Variants in GIPC2 observed in about 807,000 individuals in gnomAD.
The protein encoded by GIPC2 is PDZ domain-containing protein GIPC2.
A neutral mutation model predicts 30.6 loss-of-function variants in GIPC2; 30 were observed. The ratio of observed to expected loss-of-function variants is 0.98; its 90% CI spans 0.73 to 1.33. The LOEUF is 1.33. GIPC2 is among the 40% of genes most tolerant of loss of function. The pLI is 0.00. For missense variants in GIPC2, 414 were observed against 390.3 expected (o/e 1.06, Z -0.51); for synonymous variants, 167 against 150.0 (o/e 1.11, Z -0.83).
At chr1:78,052,457 C>A (rs992430124) in intron 1 of GIPC2, among the ~76,000 whole-genome samples, 3 of 152,102 alleles carry the variant, frequency 2.0e-5, no homozygotes, top group African/African-American at 7.2e-5. Context: ...CTCACCAATT[C>A]AGTAGTTAAA....
chr1:78,123,785 G>A (rs182245082), intron 4 of GIPC2, among the ~76,000 whole-genome samples: 1 of 152,308 alleles, frequency 6.6e-6, no homozygotes, highest in East Asian at 1.9e-4. Context: ...ACTGACACTT[G>A]TCACCGTAAC....
chr1:78,069,086 G>A (rs1661571506), intron 1 of GIPC2: 1 of 985,234 alleles, frequency 1.0e-6, no homozygotes, highest in South Asian at 4.7e-5. Context: ...CTTGGTGAGA[G>A]TAGGGAACAG....
At chr1:78,081,949 G>A (rs1295908319) in intron 2 of GIPC2, among the ~76,000 whole-genome samples, 1 of 152,080 alleles carries the variant, frequency 6.6e-6, no homozygotes, top group Non-Finnish European at 1.5e-5. Flanking sequence ...AGGATAAATT[G>A]CATTTCTGCC....
chr1:78,126,624 C>G (rs1662787761), intron 5 of GIPC2, among the ~76,000 whole-genome samples: 1 of 151,992 alleles, frequency 6.6e-6, no homozygotes, highest in Admixed American at 6.6e-5. Flanking sequence ...TCAAGAATGG[C>G]TGGATCCCAA....
chr1:78,054,507 C>T (rs775147261), intron 1 of GIPC2, among the ~76,000 whole-genome samples: 2 of 152,304 alleles, frequency 1.3e-5, no homozygotes, highest in South Asian at 4.1e-4. Flanking sequence ...ATCCCTGACA[C>T]ATATTTTACA....
At chr1:78,050,044 A>G (rs10747356) in intron 1 of GIPC2, among the ~76,000 whole-genome samples, 151,282 of 152,104 alleles carry the variant, frequency 0.99, 75,235 homozygotes, top group Middle Eastern at 1. Flanking sequence ...TTACAGGCAC[A>G]CGCCATCATG....
intron 1 of GIPC2, among the ~76,000 whole-genome samples, chr1:78,067,915 C>G (rs186513148): frequency 6.6e-6 from 1 of 152,152 alleles, no homozygotes; most frequent in Non-Finnish European, 1.5e-5. Context: ...AACCCGGACT[C>G]TCTGTGGATG....
At chr1:78,117,791 G>A (rs1662596216) in intron 3 of GIPC2, among the ~76,000 whole-genome samples, 1 of 152,048 alleles carries the variant, frequency 6.6e-6, no homozygotes. Flanking sequence ...AGTATCCTGT[G>A]GTTGGAATCT....
At chr1:78,095,249 C>A (rs1662116119) in intron 3 of GIPC2, 117 bp downstream of exon 3, 2 of 637,306 alleles carry the variant, frequency 3.1e-6, no homozygotes, top group Non-Finnish European at 5.6e-6. Flanking sequence ...TCTTATCTAA[C>A]ATATCAGTTA....
intron 5 of GIPC2, among the ~76,000 whole-genome samples, chr1:78,134,464 A>G (rs1219162834): frequency 6.6e-6 from 1 of 151,334 alleles, no homozygotes; most frequent in Non-Finnish European, 1.5e-5. Context: ...TGCCATCCTC[A>G]CCACATCTGT....
intron 1 of GIPC2, among the ~76,000 whole-genome samples, chr1:78,070,785 T>C (rs147817867): frequency 3.6e-4 from 55 of 152,282 alleles, no homozygotes; most frequent in Middle Eastern, 3.4e-3. Flanking sequence ...TGTTTTTCTT[T>C]TTTTGGATAG....
intron 1 of GIPC2, among the ~76,000 whole-genome samples, chr1:78,062,423 T>C (rs1445994420): frequency 6.6e-6 from 1 of 152,130 alleles, no homozygotes; most frequent in African/African-American, 2.4e-5. Flanking sequence ...TCCATTTTCC[T>C]GCCTGTATGT....
chr1:78,061,641 C>T (rs372201652), intron 1 of GIPC2, among the ~76,000 whole-genome samples: 6 of 84,906 alleles, frequency 7.1e-5, no homozygotes, highest in Admixed American at 1.4e-4. Context: ...GCTGGGACTA[C>T]AGGCGTGAGC....
intron 3 of GIPC2, among the ~76,000 whole-genome samples, chr1:78,111,634 G>A (rs1662467599): frequency 6.6e-6 from 1 of 152,158 alleles, no homozygotes; most frequent in South Asian, 2.1e-4. Flanking sequence ...ACAGTGGAAG[G>A]GCACATTTCC....
Position 78,135,533 on chromosome 1 carries a change from T to G in GIPC2, c.797-59T>G, listed in dbSNP as rs563116651. On this transcript the variant is annotated intron_variant, in intron 5 of 5. Coordinates refer to ENST00000370759, the MANE Select transcript of GIPC2 (RefSeq NM_017655.6). The stretch of plus-strand genomic sequence containing the variant: ...GCAAGTAATTTTCCTGTTGCCATTT[T>G]TCTCAGTCCTTTGATGCTATTTCAT... 28 of 1,019,252 alleles carry G rather than the reference T, an allele frequency of 2.7e-5. No homozygotes were observed. In the African/African-American group the frequency reaches 4.1e-4, roughly 15 times the overall value. 63.1% of individuals were successfully genotyped at this position (1,019,252 alleles called of 1,614,324 possible). A position where few individuals can be genotyped will look rare whatever the true frequency, so the allele number is the denominator to read the frequency against.
At chr1:78,097,640 C>G (rs938839986) in intron 3 of GIPC2, among the ~76,000 whole-genome samples, 2 of 152,164 alleles carry the variant, frequency 1.3e-5, no homozygotes, top group African/African-American at 4.8e-5. Flanking sequence ...CACTCCACTT[C>G]CAGGGGCCAT....
chr1:78,135,478 T>A lies in GIPC2; in HGVS notation c.797-114T>A, dbSNP rs1662982787. On this transcript the variant is annotated intron_variant, in intron 5 of 5. Coordinates refer to ENST00000370759, the MANE Select transcript of GIPC2 (RefSeq NM_017655.6). Reference sequence around the variant, plus strand: ...AATTTGCATTTAATTTTGCATTTAATTTGAAATATATTTATGCATGTTACT... The same window carrying A: ...AATTTGCATTTAATTTTGCATTTAAATTGAAATATATTTATGCATGTTACT... 7.9e-6 allele frequency: 5 copies of A among 630,070 alleles called. No homozygotes were observed. The South Asian group carries it at 1.1e-4, about 13-fold the overall frequency. 39.0% of individuals were successfully genotyped at this position (630,070 alleles called of 1,614,324 possible).
intron 1 of GIPC2, among the ~76,000 whole-genome samples, chr1:78,059,505 G>A (rs1661353853): frequency 6.6e-6 from 1 of 152,216 alleles, no homozygotes; most frequent in South Asian, 2.1e-4. Flanking sequence ...TACTTTGGGA[G>A]GCCAAGGTCA....
intron 1 of GIPC2, among the ~76,000 whole-genome samples, chr1:78,077,984 C>T (rs1395210733): frequency 6.6e-6 from 1 of 151,542 alleles, no homozygotes; most frequent in African/African-American, 2.4e-5. Flanking sequence ...GTCAGGAGAT[C>T]GAGACCATCC....
Sources: gnomAD v4.1 joint callset for allele counts (sites outside exome capture counted in the v4.1 genomes callset) on GRCh38, gnomAD v4.1.1 for gene constraint, MANE v1.5 for transcripts, NCBI Gene and HGNC (gene_info 2026-07-23, HGNC 2026-07-21) for gene names.